The following DYSF variants were observed in gnomAD, a reference collection of about 807,000 sequenced individuals.
DYSF encodes the protein dysferlin, also known as dystrophy-associated fer-1-like 1.
In DYSF, 212 loss-of-function variants were observed where a neutral mutation model predicts 274.9. The ratio of observed to expected loss-of-function variants is 0.77; its 90% CI spans 0.69 to 0.86. The LOEUF is 0.86. Ranked by LOEUF, DYSF falls within the 40% of genes least tolerant of loss-of-function variation. The probability of loss-of-function intolerance (pLI) is 0.00; values close to 1 mark genes in which losing one functional copy is unlikely to be tolerated. For missense variants in DYSF, 2,666 were observed against 2,783.2 expected (o/e 0.96, Z 0.95); for synonymous variants, 1,091 against 1,078.7 (o/e 1.01, Z -0.22).
chr2:71,684,187 G>A (rs1213632273), intron 55 of DYSF, among the ~76,000 whole-genome samples: 2 of 152,248 alleles, frequency 1.3e-5, no homozygotes, highest in Admixed American at 6.5e-5. Flanking sequence ...AGGTGTGTAC[G>A]ATGTGGGAGG....
In DYSF at chr2:71,564,132, C is replaced by G. The variant is rs143667543; in HGVS notation, c.2484C>G (p.Pro828=). The G allele has an allele frequency of 6.2e-7, 1 of 1,614,152 alleles. No homozygotes were observed. Among genetic ancestry groups the G allele is most frequent in the African/African-American group, 1.3e-5 (1 of 74,948 alleles). Residue 828 remains proline (P), a synonymous_variant, in exon 24 of 56, where the codon CCC becomes CCG. Coordinates refer to ENST00000410020, the MANE Select transcript of DYSF (RefSeq NM_001130987.2). ...GDKRVAYQRV[P]AHQVLFSRRG... ...AGCGTGTGGCATACCAGCGGGTGCC[C>G]GCCCACCAAGTCCTCTTCTCCCGGC...
chr2:71,561,105 GTCT>G (rs1559160152), intron 22 of DYSF, among the ~76,000 whole-genome samples: 4 of 151,906 alleles, frequency 2.6e-5, no homozygotes, highest in African/African-American at 9.7e-5. Context: ...CTGACCTCCT[GTCT>G]CTCAGGGCTC....
At chr2:71,475,209 G>T (rs35431364) in intron 1 of DYSF, among the ~76,000 whole-genome samples, 8,533 of 152,146 alleles carry the variant, frequency 0.056, 342 homozygotes, top group African/African-American at 0.11. Flanking sequence ...TCCTCCCTCC[G>T]CTGACAAACA....
intron 23 of DYSF, among the ~76,000 whole-genome samples, chr2:71,563,731 G>T (rs2091920442): frequency 1.3e-5 from 2 of 152,180 alleles, no homozygotes; most frequent in Admixed American, 6.5e-5. Flanking sequence ...CTACCTGGTA[G>T]CGAGGACCTA....
intron 35 of DYSF, among the ~76,000 whole-genome samples, chr2:71,602,089 C>T (rs1183136671): frequency 1.3e-5 from 2 of 152,162 alleles, no homozygotes; most frequent in African/African-American, 2.4e-5. Context: ...TGGACGGGGG[C>T]TTCATTCCCT....
intron 40 of DYSF, 27 bp downstream of exon 40, chr2:71,613,437 C>G: frequency 6.3e-7 from 1 of 1,590,352 alleles, no homozygotes. Context: ...CCAGGGAGGC[C>G]TGGGTCACCT....
At chr2:71,499,206 T>C (rs1472238856) in intron 3 of DYSF, among the ~76,000 whole-genome samples, 1 of 152,226 alleles carries the variant, frequency 6.6e-6, no homozygotes, top group African/African-American at 2.4e-5. Flanking sequence ...AGATTCTAAC[T>C]TTCCTCTTTT....
chr2:71,552,128 C>T (rs2090994032), intron 19 of DYSF, among the ~76,000 whole-genome samples: 1 of 152,110 alleles, frequency 6.6e-6, no homozygotes, highest in Admixed American at 6.5e-5. Flanking sequence ...ATTATTATCC[C>T]CATTTCACAG....
intron 42 of DYSF, among the ~76,000 whole-genome samples, chr2:71,654,461 C>G (rs2094728167): frequency 6.6e-6 from 1 of 152,146 alleles, no homozygotes; most frequent in Non-Finnish European, 1.5e-5. Context: ...GATTTTAAAA[C>G]TCCCACACCG....
At chr2:71,652,243 T>G (rs1006695076) in intron 42 of DYSF, among the ~76,000 whole-genome samples, 1 of 152,232 alleles carries the variant, frequency 6.6e-6, no homozygotes, top group African/African-American at 2.4e-5. Flanking sequence ...TGTGATCACG[T>G]TCATGTTATC....
chr2:71,675,984 A>G (rs531592751), intron 52 of DYSF, among the ~76,000 whole-genome samples: 1 of 152,246 alleles, frequency 6.6e-6, no homozygotes, highest in East Asian at 1.9e-4. Context: ...TCTGGTCAGT[A>G]GGTATCGATC....
At chr2:71,674,862 T>C (rs965676896) in intron 52 of DYSF, among the ~76,000 whole-genome samples, 8 of 152,256 alleles carry the variant, frequency 5.3e-5, no homozygotes, top group Admixed American at 3.3e-4. Context: ...AGACATTGTA[T>C]GGGGCCTGCA....
intron 1 of DYSF, among the ~76,000 whole-genome samples, chr2:71,473,175 C>T (rs2082157714): frequency 1.3e-5 from 2 of 152,142 alleles, no homozygotes; most frequent in African/African-American, 4.8e-5. Flanking sequence ...CTGAGAACAC[C>T]ATGGCAGGGC....
Position 71,613,328 on chromosome 2 carries a change from CT to C in DYSF, c.4388-5del. 6.2e-7 allele frequency: 1 copy of C among 1,611,794 alleles called. No individual in the cohort carries two copies. The highest frequency in any genetic ancestry group is 1.3e-5 in the African/African-American group (1 of 74,962). On this transcript the variant is annotated splice_polypyrimidine_tract_variant and splice_region_variant and intron_variant, in intron 39 of 55. Transcript: ENST00000410020. ...TCTCAGGCCTGGATGGCTCCCTCCCCTGCAGACGATGTGAGCCTACTCAGTC... is the reference window on the plus strand; with the variant it reads ...TCTCAGGCCTGGATGGCTCCCTCCCCGCAGACGATGTGAGCCTACTCAGTC...
chr2:71,507,718 G>T (rs1332941383), intron 4 of DYSF, among the ~76,000 whole-genome samples: 1 of 152,212 alleles, frequency 6.6e-6, no homozygotes, highest in Non-Finnish European at 1.5e-5. Context: ...TCAGATGTGG[G>T]CCCAACTCAG....
rs182062129 is a variant in DYSF, at chr2:71,557,544, C to T, written c.2216+1473C>T. On this transcript the variant is annotated intron_variant, in intron 22 of 55. Coordinates refer to ENST00000410020, the MANE Select transcript of DYSF (RefSeq NM_001130987.2). Reference sequence around the variant, plus strand: ...GTGAGGAATGGACTGGTGGTGGCGGCGAATGGCAGGTGCTGGGACCAGGGG... The same window carrying T: ...GTGAGGAATGGACTGGTGGTGGCGGTGAATGGCAGGTGCTGGGACCAGGGG... 1.7e-3 allele frequency among the ~76,000 whole-genome samples: 256 copies of T among 151,236 alleles called. 1 individual carries two copies. Among genetic ancestry groups the T allele is most frequent in the African/African-American group, 6.0e-3 (247 of 41,104 alleles).
At chr2:71,492,040 A>G (rs2083900145) in intron 3 of DYSF, among the ~76,000 whole-genome samples, 1 of 152,104 alleles carries the variant, frequency 6.6e-6, no homozygotes, top group Non-Finnish European at 1.5e-5. Context: ...TCACTGCCTC[A>G]TTGTTTTCAG....
chr2:71,668,004 G>A lies in DYSF; in HGVS notation c.5457+489G>A, dbSNP rs553065371. On this transcript the variant is annotated intron_variant, in intron 48 of 55. Coordinates refer to ENST00000410020, the MANE Select transcript of DYSF (RefSeq NM_001130987.2). ...GGGGAATCCTCCCACGCTGAAGGGC[G>A]GGGACCACAGAGACAGCAGCCTTGG... 3.6e-4 allele frequency among the ~76,000 whole-genome samples: 55 copies of A among 152,198 alleles called. No individual in the cohort carries two copies. In the South Asian group the frequency reaches 0.01, roughly 28 times the overall value.
At chr2:71,606,157 C>T (rs1472368450) in intron 36 of DYSF, among the ~76,000 whole-genome samples, 1 of 152,132 alleles carries the variant, frequency 6.6e-6, no homozygotes, top group Non-Finnish European at 1.5e-5. Context: ...GGCCTTGGTT[C>T]TTCGTGGTAA....
Sources: gnomAD v4.1 joint callset for allele counts (sites outside exome capture counted in the v4.1 genomes callset) on GRCh38, gnomAD v4.1.1 for gene constraint, MANE v1.5 for transcripts, NCBI Gene and HGNC (gene_info 2026-07-23, HGNC 2026-07-21) for gene names.